The following KCNQ1 variants were observed in gnomAD, a reference collection of about 807,000 sequenced individuals.
KCNQ1 encodes the protein potassium voltage-gated channel subfamily KQT member 1.
A neutral mutation model predicts 72.4 loss-of-function variants in KCNQ1; 49 were observed. The observed-to-expected ratio is 0.68, with a 90% confidence interval of 0.54 to 0.86. The LOEUF is 0.86. Among genes scored for constraint, KCNQ1 ranks in the 40% least tolerant of loss-of-function variants. The pLI is 0.00. For missense variants in KCNQ1, 790 were observed against 945.1 expected, an observed-to-expected ratio of 0.84 and a Z score of 2.15; for synonymous variants, 450 against 412.6, an observed-to-expected ratio of 1.09 and a Z score of -1.10.
At chr11:2,805,258 G>A (rs940519220) in intron 15 of KCNQ1, among the ~76,000 whole-genome samples, 4 of 152,190 alleles carry the variant, frequency 2.6e-5, no homozygotes, top group Non-Finnish European at 4.4e-5. Context: ...CAGCCTGGCT[G>A]GGGAGAGCAA....
At position 2,608,638 on chromosome 11, in the gene KCNQ1, A is replaced by G. The variant is rs554441988; in HGVS notation, c.1393+19784A>G. On this transcript the variant is annotated intron_variant, in intron 10 of 15. Coordinates refer to ENST00000155840, the MANE Select transcript of KCNQ1 (RefSeq NM_000218.3). The surrounding 1 kb of genome is among the most constrained non-coding windows in gnomAD (Gnocchi z 4.6). ...CACAACACCAGCTGTTATTCAAAAA[A>G]TATTTTGTAGAGATAGGGTCTTGCT... 7.5e-6 allele frequency: 3 copies of G among 398,526 alleles called. No homozygotes were observed. The highest frequency in any genetic ancestry group is 1.3e-5 in the Non-Finnish European group (3 of 226,054). 24.7% of individuals were successfully genotyped at this position (398,526 alleles called of 1,614,324 possible).
At chr11:2,584,570 T>G (rs1021640026) in intron 7 of KCNQ1, among the ~76,000 whole-genome samples, 1 of 151,846 alleles carries the variant, frequency 6.6e-6, no homozygotes, top group Admixed American at 6.6e-5. Context: ...TTTGTGTGTG[T>G]TAGTGTTTGT....
At position 2,653,320 on chromosome 11, in the gene KCNQ1, T is replaced by C. The variant is rs189989708; in HGVS notation, c.1394-8641T>C. On this transcript the variant is annotated intron_variant, in intron 10 of 15. Transcript: ENST00000155840. This position sits in a 1 kb window ranked among gnomAD's most constrained non-coding sequence, Gnocchi z 5.3. ...AGTTTAGCTATTTTGTAACCTTGAC[T>C]GCCCCCAGGCCCATGTCCGTAGGCT... 87 of 398,720 alleles carry C rather than the reference T, an allele frequency of 2.2e-4. No individual in the cohort carries two copies. The highest frequency in any genetic ancestry group is 1.3e-3 in the Middle Eastern group (2 of 1,592). 24.7% of individuals were successfully genotyped at this position (398,720 alleles called of 1,614,324 possible). A position where few individuals can be genotyped will look rare whatever the true frequency, so the allele number is the denominator to read the frequency against.
In KCNQ1 at chr11:2,613,149, A is replaced by T; in HGVS notation, c.1393+24295A>T. The T allele has an allele frequency of 2.5e-6, 1 of 398,504 alleles. No individual in the cohort carries two copies. The highest frequency in any genetic ancestry group is 4.4e-6 in the Non-Finnish European group (1 of 226,080). The allele number at this position is 398,504 out of a possible 1,614,324, so 24.7% of individuals were successfully genotyped here. A position where few individuals can be genotyped will look rare whatever the true frequency, so the allele number is the denominator to read the frequency against. On this transcript the variant is annotated intron_variant, in intron 10 of 15. Coordinates refer to ENST00000155840, the MANE Select transcript of KCNQ1 (RefSeq NM_000218.3). This position sits in a 1 kb window ranked among gnomAD's most constrained non-coding sequence, Gnocchi z 4.8. ...CTTCCACCCTCTGCTGAGGGGATCT[A>T]TGTGTGGGTTGGGACATTCAAAGTT...
At position 2,520,224 on chromosome 11, in the gene KCNQ1, G is replaced by C. The variant is rs138253618; in HGVS notation, c.387-7704G>C. 3.0e-3 allele frequency among the ~76,000 whole-genome samples: 459 copies of C among 152,346 alleles called. 7 individuals carry two copies. Among genetic ancestry groups the C allele is most frequent in the African/African-American group, 0.01 (420 of 41,582 alleles). On this transcript the variant is annotated intron_variant, in intron 1 of 15. Coordinates refer to ENST00000155840, the MANE Select transcript of KCNQ1 (RefSeq NM_000218.3). The stretch of plus-strand genomic sequence containing the variant: ...CTGAACCCCAATCCAGGGGGCTTCT[G>C]GGGGGCAGCCTGGGACCAGACGTGC...
Position 2,711,835 on chromosome 11 carries a change from T to C in KCNQ1, c.1514+49754T>C, listed in dbSNP as rs1329300809. ...GACTTAGGAGGGAGGGTCCTGGCAC[T>C]GCTTCTGAGGAGGGTGCCTTTGAGG... On this transcript the variant is annotated intron_variant, in intron 11 of 15. Coordinates refer to ENST00000155840, the MANE Select transcript of KCNQ1 (RefSeq NM_000218.3). The surrounding 1 kb of genome is among the most constrained non-coding windows in gnomAD (Gnocchi z 5.4). Among the ~76,000 whole-genome samples, 2 of 152,176 alleles carry C rather than the reference T, an allele frequency of 1.3e-5. No individual in the cohort carries two copies.
chr11:2,640,377 C>A, intron 10 of KCNQ1: 1 of 398,634 alleles, frequency 2.5e-6, no homozygotes, highest in South Asian at 1.3e-4. Context: ...TCTTTAACTC[C>A]CAGGCTCAAG....
chr11:2,633,560 G>C, intron 10 of KCNQ1: 1 of 398,524 alleles, frequency 2.5e-6, no homozygotes, highest in Non-Finnish European at 4.4e-6. Context: ...CTGAGAGATA[G>C]TATAGTTTCA....
chr11:2,589,694 C>G (rs1848646374), intron 10 of KCNQ1, among the ~76,000 whole-genome samples: 1 of 152,168 alleles, frequency 6.6e-6, no homozygotes, highest in African/African-American at 2.4e-5. Context: ...CCCCCCATGC[C>G]TCCCGCCAAC....
rs199705885 is a variant in KCNQ1, at chr11:2,544,248, GTA to G, written c.477+16240_477+16241del. 0.44 allele frequency among the ~76,000 whole-genome samples: 61,748 copies of G among 141,040 alleles called. 14,577 individuals are homozygous for G. The highest frequency in any genetic ancestry group is 0.58 in the African/African-American group (20,387 of 35,150). 92.5% of individuals were successfully genotyped at this position (141,040 alleles called of 152,430 possible). A position where few individuals can be genotyped will look rare whatever the true frequency, so the allele number is the denominator to read the frequency against. On this transcript the variant is annotated intron_variant, in intron 2 of 15. Transcript: ENST00000155840. This position sits in a 1 kb window ranked among gnomAD's most constrained non-coding sequence, Gnocchi z 4.4. ...CTCATATATATATATGTGTGTGTGT[GTA>G]TATATATATGTGTGTGTGTGTATAT...
chr11:2,563,313 CA>C lies in KCNQ1; in HGVS notation c.478-7312del, dbSNP rs1437426068. Reference sequence around the variant, plus strand: ...ACGGCCGGTTGCAACACGTTTGAGCCAAAGTGCGACCTTTCCCCGCTCTGTT... The same window carrying C: ...ACGGCCGGTTGCAACACGTTTGAGCCAAGTGCGACCTTTCCCCGCTCTGTT... On this transcript the variant is annotated intron_variant, in intron 2 of 15. Coordinates refer to ENST00000155840, the MANE Select transcript of KCNQ1 (RefSeq NM_000218.3). This position sits in a 1 kb window ranked among gnomAD's most constrained non-coding sequence, Gnocchi z 7.4. Among the ~76,000 whole-genome samples the C allele has an allele frequency of 6.6e-6, 1 of 152,228 alleles. No individual in the cohort carries two copies. Among genetic ancestry groups the C allele is most frequent in the Non-Finnish European group, 1.5e-5 (1 of 68,042 alleles).
At chr11:2,718,161 G>T (rs1296439164) in intron 11 of KCNQ1, among the ~76,000 whole-genome samples, 1 of 152,138 alleles carries the variant, frequency 6.6e-6, no homozygotes, top group Non-Finnish European at 1.5e-5. Flanking sequence ...GGAGCTGAGA[G>T]CCCCACTGCA....
chr11:2,822,011 G>A (rs371726059), intron 15 of KCNQ1, among the ~76,000 whole-genome samples: 1 of 152,178 alleles, frequency 6.6e-6, no homozygotes, highest in East Asian at 1.9e-4. Flanking sequence ...TGATCACAAG[G>A]GTCCTTCTAA....
At chr11:2,629,244 T>C (rs1849312083) in intron 10 of KCNQ1, 2 of 398,256 alleles carry the variant, frequency 5.0e-6, no homozygotes, top group East Asian at 3.6e-5. Flanking sequence ...TCTTTCCATT[T>C]ATTTGTATCA....
At chr11:2,693,829 G>A (rs758504840) in intron 11 of KCNQ1, 8 of 398,792 alleles carry the variant, frequency 2.0e-5, no homozygotes, top group Non-Finnish European at 3.5e-5. Flanking sequence ...GGAAGGAAAG[G>A]CAGTATTAGA....
chr11:2,551,102 T>C (rs1847976625), intron 2 of KCNQ1, among the ~76,000 whole-genome samples: 1 of 152,190 alleles, frequency 6.6e-6, no homozygotes, highest in Non-Finnish European at 1.5e-5. Context: ...TTTCTTCTTT[T>C]AAATTTAGGT....
chr11:2,733,814 A>ACACACACACACACACACTCACTCT, intron 11 of KCNQ1, among the ~76,000 whole-genome samples: 1 of 86,614 alleles, frequency 1.2e-5, no homozygotes, highest in Non-Finnish European at 2.4e-5. Context: ...ACACACACAC[A>ACACACACACACACACACTCACTCT]CTCTCTCACT....
intron 15 of KCNQ1, among the ~76,000 whole-genome samples, chr11:2,814,478 T>C (rs963796272): frequency 6.6e-6 from 1 of 150,722 alleles, no homozygotes; most frequent in Non-Finnish European, 1.5e-5. Context: ...GAGTGGTGAA[T>C]GAATGGATGG....
rs1371081301 is a variant in KCNQ1, at chr11:2,769,722, A to C, written c.1590+803A>C. On this transcript the variant is annotated intron_variant, in intron 12 of 15. Transcript: ENST00000155840. This position sits in a 1 kb window ranked among gnomAD's most constrained non-coding sequence, Gnocchi z 4.6. The stretch of plus-strand genomic sequence containing the variant: ...GAAGGCAAAAATCACAAAGCAGGGA[A>C]GGCTGGGGGGTGACTTGCCTGAGTC... Among the ~76,000 whole-genome samples the C allele has an allele frequency of 6.6e-6, 1 of 152,148 alleles. No homozygotes were observed. Among genetic ancestry groups the C allele is most frequent in the Non-Finnish European group, 1.5e-5 (1 of 68,022 alleles).
Sources: allele counts gnomAD v4.1 joint callset (sites outside exome capture counted in the v4.1 genomes callset), GRCh38; gene constraint gnomAD v4.1.1; non-coding constraint Gnocchi (gnomAD v3.1); transcripts MANE v1.5; gene names NCBI Gene and HGNC (gene_info 2026-07-23, HGNC 2026-07-21).